BRWD1: variants seen among roughly 807,000 people sequenced by gnomAD.
The protein encoded by BRWD1 is bromodomain and WD repeat domain containing 1, also known as bromodomain and WD repeat-containing protein 1.
A neutral mutation model predicts 251.2 loss-of-function variants in BRWD1; 82 were observed. The ratio of observed to expected loss-of-function variants is 0.33; its 90% CI spans 0.27 to 0.39. BRWD1 has a LOEUF of 0.39. Among genes scored for constraint, BRWD1 ranks in the 10% least tolerant of loss-of-function variants. The probability of loss-of-function intolerance (pLI) is 1.00; values close to 1 mark genes in which losing one functional copy is unlikely to be tolerated. For missense variants in BRWD1, 2,233 were observed against 2,711.6 expected, an observed-to-expected ratio of 0.82 and a Z score of 3.92; for synonymous variants, 918 against 902.8, an observed-to-expected ratio of 1.02 and a Z score of -0.30.
chr21:39,288,633 T>C (rs962224969), intron 8 of BRWD1, among the ~76,000 whole-genome samples: 3 of 152,216 alleles, frequency 2.0e-5, no homozygotes, highest in South Asian at 4.1e-4. Flanking sequence ...TAACTATTGA[T>C]AAAGCCTCAC....
Position 39,280,219 on chromosome 21 carries a change from T to C in BRWD1, c.861A>G (p.Arg287=), listed in dbSNP as rs767290660. 2.5e-6 allele frequency: 4 copies of C among 1,608,154 alleles called. No individual in the cohort carries two copies. Among genetic ancestry groups the C allele is most frequent in the African/African-American group, 1.3e-5 (1 of 74,630 alleles). The part of the protein sequence containing the change: ...QFSPMAKGSQ[R]YMVSTGADGT... ...CATCAGCACCAGTGGAAACCATGTA[T>C]CTTTGAGAGCCTTTGGCCATCGGGC... is the stretch of plus-strand genomic sequence containing the variant. The change falls in exon 9 of 41, where the codon AGA becomes AGG. Residue 287 remains arginine, a synonymous_variant. Coordinates refer to ENST00000342449, the MANE Select transcript of BRWD1 (RefSeq NM_033656.4).
intron 8 of BRWD1, among the ~76,000 whole-genome samples, chr21:39,290,335 A>C (rs540171697): frequency 2.6e-5 from 4 of 151,662 alleles, no homozygotes; most frequent in Non-Finnish European, 5.9e-5. Flanking sequence ...TAAAAATACA[A>C]AAAATTAGCC....
At chr21:39,309,524 G>A (rs779757803) in intron 4 of BRWD1, among the ~76,000 whole-genome samples, 9 of 151,950 alleles carry the variant, frequency 5.9e-5, no homozygotes, top group Non-Finnish European at 1.2e-4. Context: ...CAAACTAATT[G>A]TAAAAAGACA....
chr21:39,314,128 G>A (rs778167356), upstream of BRWD1: 2 of 455,844 alleles, frequency 4.4e-6, no homozygotes, highest in South Asian at 1.5e-5. Context: ...TGCCCCGCAC[G>A]GAAGACCCCT....
At position 39,199,546 on chromosome 21, in the gene BRWD1, T is replaced by C; in HGVS notation, c.4870A>G (p.Asn1624Asp). ...CACTTCCTTAAGACTTTTCGGTTAT[T>C]TCCAGCTCTGGCTTTTAGAATTTCA... ...TGEILKARAG[N>D]NRKVLRKCAA... Residue 1624 changes from asparagine (N) to aspartate (D), a missense_variant, in exon 40 of 41, where the codon AAT (asparagine) becomes GAT (aspartate). Physicochemically the swap from Asn to Asp is conservative, Grantham distance 23 (BLOSUM62 1). Around this residue, in one of 12 missense-constraint regions of BRWD1, gnomAD observed 928 missense variants for 970.0 expected, o/e 0.96. Transcript: ENST00000342449. 1 of 1,614,222 alleles carries C rather than the reference T, an allele frequency of 6.2e-7. No homozygotes were observed. The highest frequency in any genetic ancestry group is 8.5e-7 in the Non-Finnish European group (1 of 1,180,042).
intron 21 of BRWD1, among the ~76,000 whole-genome samples, chr21:39,246,326 G>A (rs758322274): frequency 2.6e-4 from 39 of 152,192 alleles, no homozygotes; most frequent in Non-Finnish European, 4.0e-4. Flanking sequence ...ACCACTTCAC[G>A]CCCATTAAGA....
At chr21:39,282,445 A>C (rs900396921) in intron 8 of BRWD1, among the ~76,000 whole-genome samples, 2 of 152,208 alleles carry the variant, frequency 1.3e-5, no homozygotes, top group Admixed American at 1.3e-4. Context: ...TATCTCATTA[A>C]AAGTAATGAG....
At chr21:39,313,354 G>GACCCGGGGA in intron 1 of BRWD1, 55 bp from the exon 2 acceptor site, 1 of 1,466,334 alleles carries the variant, frequency 6.8e-7, no homozygotes, top group Non-Finnish European at 9.1e-7. Context: ...AGGGGGACGG[G>GACCCGGGGA]GCCAGGGGAG....
At position 39,296,328 on chromosome 21, in the gene BRWD1, C is replaced by G; in HGVS notation, c.385G>C (p.Ala129Pro). Residue 129 changes from alanine (A) to proline (P), a missense_variant, in exon 6 of 41, where the codon GCT (alanine) becomes CCT (proline). Physicochemically the swap from Ala to Pro is conservative, Grantham distance 27 (BLOSUM62 -1). Transcript: ENST00000342449. ...GGAGGTCTTCCTCTATGAAGAGCAG[C>G]AAAGGCAGAGCCCTTCCAAACTGTG... is the stretch of plus-strand genomic sequence containing the variant. ...RHTVWKGSAF[A>P]ALHRGRPPEM... The G allele has an allele frequency of 6.2e-7, 1 of 1,600,170 alleles. No homozygotes were observed. The highest frequency in any genetic ancestry group is 2.3e-5 in the East Asian group (1 of 44,082).
Position 39,195,544 on chromosome 21 carries a change from C to T in BRWD1, c.*715G>A. 1.0e-6 allele frequency: 1 copy of T among 984,518 alleles called. No individual in the cohort carries two copies. Among genetic ancestry groups the T allele is most frequent in the Non-Finnish European group, 1.2e-6 (1 of 828,848 alleles). 61.0% of individuals were successfully genotyped at this position (984,518 alleles called of 1,614,324 possible). Reference sequence around the variant, plus strand: ...AAAATGCTCTGACTATGCTCTGGTCCTAGAGGTTTAAAACATGCACTCAAA... The same window carrying T: ...AAAATGCTCTGACTATGCTCTGGTCTTAGAGGTTTAAAACATGCACTCAAA... On this transcript the variant is annotated 3_prime_UTR_variant, in exon 41 of 41. Transcript: ENST00000342449.
intron 4 of BRWD1, among the ~76,000 whole-genome samples, chr21:39,309,824 C>CAAAA (rs10709480): frequency 5.3e-5 from 4 of 75,214 alleles, no homozygotes; most frequent in South Asian, 4.5e-4. Context: ...GACTCCGTCT[C>CAAAA]AAAAAAAAAA....
At chr21:39,257,206 A>C (rs2034588220) in intron 18 of BRWD1, among the ~76,000 whole-genome samples, 2 of 151,476 alleles carry the variant, frequency 1.3e-5, no homozygotes. Flanking sequence ...GCTATTTAAA[A>C]AAAAAAAAAA....
intron 8 of BRWD1, among the ~76,000 whole-genome samples, chr21:39,286,113 C>T (rs560119197): frequency 6.7e-6 from 1 of 150,030 alleles, no homozygotes; most frequent in South Asian, 2.1e-4. Flanking sequence ...CTCCCAGGTT[C>T]ACGCCATTCT....
upstream of BRWD1, among the ~76,000 whole-genome samples, chr21:39,318,211 C>T (rs2036717419): frequency 6.6e-6 from 1 of 151,984 alleles, no homozygotes; most frequent in South Asian, 2.1e-4. Flanking sequence ...GAATGCATAT[C>T]TAGAAAATGG....
At chr21:39,218,123 A>T (rs2033029791) in intron 31 of BRWD1, 29 bp downstream of exon 31, 2 of 1,576,134 alleles carry the variant, frequency 1.3e-6, no homozygotes, top group Admixed American at 4.0e-5. Context: ...ATAGCTTTTT[A>T]AACATTTTGA....
chr21:39,276,187 A>G lies in BRWD1; in HGVS notation c.1131T>C (p.Cys377=). The G allele has an allele frequency of 6.2e-7, 1 of 1,608,026 alleles. No individual in the cohort carries two copies. The highest frequency in any genetic ancestry group is 8.5e-7 in the Non-Finnish European group (1 of 1,176,352). The change falls in exon 12 of 41, where the codon TGT becomes TGC. Residue 377 remains cysteine (C), a synonymous_variant. Coordinates refer to ENST00000342449, the MANE Select transcript of BRWD1 (RefSeq NM_033656.4). ...HTDKVDSIQF[C]NNGDRFLSGS... is the part of the protein sequence containing the mutation. ...CACACACTTACCGATCACCATTGTT[A>G]CAAAATTGGATACTATCTACTTTAT...
chr21:39,228,348 C>T (rs1305132428), intron 27 of BRWD1, 152 bp downstream of exon 27: 5 of 584,040 alleles, frequency 8.6e-6, no homozygotes, highest in East Asian at 2.8e-5. Flanking sequence ...AGTACCAAGC[C>T]GTAAGCAAAA....
At chr21:39,272,304 ATAAAT>A (rs1279416315) in intron 13 of BRWD1, among the ~76,000 whole-genome samples, 16 of 123,032 alleles carry the variant, frequency 1.3e-4, no homozygotes, top group South Asian at 2.6e-4. Context: ...TAAAACTTAA[ATAAAT>A]AAAAAAAAAA....
intron 20 of BRWD1, among the ~76,000 whole-genome samples, chr21:39,249,915 GGTGTGT>G (rs368656743): frequency 0.037 from 2,550 of 68,570 alleles, 59 homozygotes; most frequent in African/African-American, 0.12. Context: ...AAAGAAGGGG[GGTGTGT>G]GTGTGTGTGT....
Sources: allele counts gnomAD v4.1 joint callset (sites outside exome capture counted in the v4.1 genomes callset), GRCh38; gene constraint gnomAD v4.1.1; regional missense constraint gnomAD v4.1.1; transcripts MANE v1.5; gene names NCBI Gene and HGNC (gene_info 2026-07-23, HGNC 2026-07-21).